The following PPP2R1A variants were observed in gnomAD, a reference collection of about 807,000 sequenced individuals.
PPP2R1A encodes protein phosphatase 2 scaffold subunit Aalpha, also known as serine/threonine-protein phosphatase 2A 65 kDa regulatory subunit A alpha isoform.
In PPP2R1A, 15 loss-of-function variants were observed where a neutral mutation model predicts 67.1. The observed-to-expected ratio is 0.22, with a 90% CI of 0.15 to 0.34. The LOEUF is 0.34. Ranked by LOEUF, PPP2R1A falls within the 10% of genes least tolerant of loss-of-function variation. PPP2R1A has a pLI of 1.00. For missense variants in PPP2R1A, 369 were observed against 775.0 expected, an observed-to-expected ratio of 0.48 and a Z score of 6.22; for synonymous variants, 337 against 325.0, an observed-to-expected ratio of 1.04 and a Z score of -0.40.
At chr19:52,196,328 A>G (rs1381898628) in intron 1 of PPP2R1A, among the ~76,000 whole-genome samples, 1 of 152,194 alleles carries the variant, frequency 6.6e-6, no homozygotes, top group African/African-American at 2.4e-5. Flanking sequence ...TTTATTTCTC[A>G]TATAGCAAGT....
chr19:52,225,642 A>C, intron 13 of PPP2R1A, 75 bp from the exon 14 acceptor site: 1 of 1,384,776 alleles, frequency 7.2e-7, no homozygotes, highest in Non-Finnish European at 1.0e-6. Context: ...CTCTTGCCCA[A>C]GAGCCCTGTG....
At chr19:52,209,775 G>A (rs8106271) in intron 3 of PPP2R1A, among the ~76,000 whole-genome samples, 15,104 of 152,178 alleles carry the variant, frequency 0.099, 865 homozygotes, top group African/African-American at 0.15. Flanking sequence ...ATGACTATTA[G>A]CTAATTTCCC....
At position 52,220,178 on chromosome 19, in the gene PPP2R1A, T is replaced by C; in HGVS notation, c.1303-11T>C. 6.2e-7 allele frequency: 1 copy of C among 1,613,834 alleles called. No individual in the cohort carries two copies. The highest frequency in any genetic ancestry group is 1.3e-5 in the African/African-American group (1 of 75,020). On this transcript the variant is annotated splice_polypyrimidine_tract_variant and intron_variant, in intron 10 of 14. Coordinates refer to ENST00000322088, the MANE Select transcript of PPP2R1A (RefSeq NM_014225.6). The stretch of plus-strand genomic sequence containing the variant: ...GAACGCTTACCTTGGAACCCTTGGT[T>C]TCTCCTGTAGGGAGTGGAGTTCTTT...
intron 1 of PPP2R1A, among the ~76,000 whole-genome samples, chr19:52,195,336 A>G (rs530915521): frequency 5.3e-5 from 8 of 152,134 alleles, no homozygotes; most frequent in Non-Finnish European, 1.2e-4. Flanking sequence ...CCCAATTCCT[A>G]TTCTCTCACT....
At position 52,212,579 on chromosome 19, in the gene PPP2R1A, C is replaced by A; in HGVS notation, c.504-107C>A. The A allele has an allele frequency of 7.3e-7, 1 of 1,378,694 alleles. No homozygotes were observed. Among genetic ancestry groups the A allele is most frequent in the Non-Finnish European group, 9.8e-7 (1 of 1,016,460 alleles). The allele number at this position is 1,378,694 out of a possible 1,614,324, so 85.4% of individuals were successfully genotyped here. On this transcript the variant is annotated intron_variant, in intron 4 of 14. Coordinates refer to ENST00000322088, the MANE Select transcript of PPP2R1A (RefSeq NM_014225.6). The surrounding 1 kb of genome is among the most constrained non-coding windows in gnomAD (Gnocchi z 4.1). Reference sequence around the variant, plus strand: ...AAGACAGAGAGGGGGTCATCACTTGCCCAAGGTCATTCAGCTAAAACCTGG... The same window carrying A: ...AAGACAGAGAGGGGGTCATCACTTGACCAAGGTCATTCAGCTAAAACCTGG...
chr19:52,192,171 G>T (rs966967631), intron 1 of PPP2R1A, among the ~76,000 whole-genome samples: 1 of 152,144 alleles, frequency 6.6e-6, no homozygotes, highest in African/African-American at 2.4e-5. Context: ...AGTACAAAGT[G>T]GGGTGGGGCA....
At chr19:52,222,530 AT>A (rs1284248583) in intron 13 of PPP2R1A, 1 of 273,104 alleles carries the variant, frequency 3.7e-6, no homozygotes, top group Non-Finnish European at 6.8e-6. Flanking sequence ...ATAATTTATA[AT>A]TGCACCAAAA....
At chr19:52,200,922 CTG>C (rs1194694631) in intron 1 of PPP2R1A, among the ~76,000 whole-genome samples, 8 of 152,226 alleles carry the variant, frequency 5.3e-5, no homozygotes, top group Admixed American at 2.6e-4. Flanking sequence ...TCTGCAAAGA[CTG>C]TTTTGACGTG....
At chr19:52,209,448 T>G (rs569753250) in intron 3 of PPP2R1A, among the ~76,000 whole-genome samples, 1 of 152,344 alleles carries the variant, frequency 6.6e-6, no homozygotes, top group South Asian at 2.1e-4. Flanking sequence ...ACATTTTTCC[T>G]TTGAATCATT....
intron 1 of PPP2R1A, 49 bp downstream of exon 1, chr19:52,190,223 G>T: frequency 6.5e-7 from 1 of 1,533,956 alleles, no homozygotes; most frequent in Admixed American, 2.0e-5. Context: ...GGTACCTGGG[G>T]GCACGGGCGG....
Position 52,219,984 on chromosome 19 carries a change from G to A in PPP2R1A, c.1302+120G>A. The stretch of plus-strand genomic sequence containing the variant: ...GTGGAGGCTGTGACAACTGCCTGGG[G>A]AGTCGAAGGAAGGGACCCAGGAAAT... On this transcript the variant is annotated intron_variant, in intron 10 of 14. Coordinates refer to ENST00000322088, the MANE Select transcript of PPP2R1A (RefSeq NM_014225.6). This position sits in a 1 kb window ranked among gnomAD's most constrained non-coding sequence, Gnocchi z 4.0. 1 of 1,345,402 alleles carries A rather than the reference G, an allele frequency of 7.4e-7. No homozygotes were observed. Among genetic ancestry groups the A allele is most frequent in the Non-Finnish European group, 1.0e-6 (1 of 996,034 alleles). The allele number at this position is 1,345,402 out of a possible 1,614,324, so 83.3% of individuals were successfully genotyped here. A position where few individuals can be genotyped will look rare whatever the true frequency, so the allele number is the denominator to read the frequency against.
At chr19:52,196,250 A>C (rs956848331) in intron 1 of PPP2R1A, among the ~76,000 whole-genome samples, 1 of 152,202 alleles carries the variant, frequency 6.6e-6, no homozygotes, top group African/African-American at 2.4e-5. Context: ...AAATGATATT[A>C]ATAGATTTTC....
chr19:52,220,147 C>A, intron 10 of PPP2R1A, 42 bp from the exon 11 acceptor site: 1 of 1,598,866 alleles, frequency 6.3e-7, no homozygotes, highest in South Asian at 1.1e-5. Flanking sequence ...CCTGTTTGCT[C>A]TCCTGGAACG....
chr19:52,219,849 C>A lies in PPP2R1A; in HGVS notation c.1287C>A (p.Leu429=). The A allele has an allele frequency of 6.2e-7, 1 of 1,611,362 alleles. No homozygotes were observed. The highest frequency in any genetic ancestry group is 1.3e-5 in the African/African-American group (1 of 75,058). ...VRLAIIEYMP[L]LAGQLGVEFF... Reference sequence around the variant, plus strand: ...TGGCCATCATTGAGTACATGCCCCTCCTGGCTGGACAGCTGGTGAGTGAGG... The same window carrying A: ...TGGCCATCATTGAGTACATGCCCCTACTGGCTGGACAGCTGGTGAGTGAGG... The change falls in exon 10 of 15, where the codon CTC becomes CTA. Residue 429 remains leucine (L), a synonymous_variant. Transcript: ENST00000322088. The surrounding 1 kb of genome is among the most constrained non-coding windows in gnomAD (Gnocchi z 4.0).
In PPP2R1A at chr19:52,215,784, G is replaced by A. The variant is rs1978532534; in HGVS notation, c.813G>A (p.Gln271=). ...CTCCTCCTTCCTGTCTGCAGCTCCA[G>A]AAAGCAGTGGGGCCTGAGATCACCA... ...YMVADKFTEL[Q]KAVGPEITKT... The change falls in exon 7 of 15, where the codon CAG becomes CAA. Residue 271 remains glutamine (Q), a synonymous_variant. Coordinates refer to ENST00000322088, the MANE Select transcript of PPP2R1A (RefSeq NM_014225.6). The A allele has an allele frequency of 1.2e-6, 2 of 1,613,818 alleles. No individual in the cohort carries two copies. Among genetic ancestry groups the A allele is most frequent in the Admixed American group, 1.7e-5 (1 of 60,004 alleles).
At position 52,216,212 on chromosome 19, in the gene PPP2R1A, C is replaced by T; in HGVS notation, c.993+138C>T. The T allele has an allele frequency of 1.0e-6, 1 of 960,468 alleles. No individual in the cohort carries two copies. Among genetic ancestry groups the T allele is most frequent in the Non-Finnish European group, 1.6e-6 (1 of 641,202 alleles). 59.5% of individuals were successfully genotyped at this position (960,468 alleles called of 1,614,324 possible). A position where few individuals can be genotyped will look rare whatever the true frequency, so the allele number is the denominator to read the frequency against. Reference sequence around the variant, plus strand: ...GACCAGGCAGCTCTTGGGTTTCAAGCAGTTAGGGGTCCTGACTGCAGCTTG... The same window carrying T: ...GACCAGGCAGCTCTTGGGTTTCAAGTAGTTAGGGGTCCTGACTGCAGCTTG... On this transcript the variant is annotated intron_variant, in intron 8 of 14. Coordinates refer to ENST00000322088, the MANE Select transcript of PPP2R1A (RefSeq NM_014225.6). The surrounding 1 kb of genome is among the most constrained non-coding windows in gnomAD (Gnocchi z 4.3).
chr19:52,204,636 G>A (rs1366004580), intron 2 of PPP2R1A, among the ~76,000 whole-genome samples: 1 of 152,190 alleles, frequency 6.6e-6, no homozygotes, highest in South Asian at 2.1e-4. Context: ...CCGTGGATAC[G>A]CATAAGGTCT....
chr19:52,204,833 C>T (rs2089586429), intron 2 of PPP2R1A, among the ~76,000 whole-genome samples: 1 of 152,146 alleles, frequency 6.6e-6, no homozygotes, highest in Non-Finnish European at 1.5e-5. Context: ...TCAATGAAAG[C>T]ATTTATTTCC....
intron 1 of PPP2R1A, among the ~76,000 whole-genome samples, chr19:52,199,953 G>C (rs2089531555): frequency 6.6e-6 from 1 of 152,230 alleles, no homozygotes; most frequent in South Asian, 2.1e-4. Context: ...GATTTACTGT[G>C]TGCATTTTTC....
Sources: allele counts gnomAD v4.1 joint callset (sites outside exome capture counted in the v4.1 genomes callset), GRCh38; gene constraint gnomAD v4.1.1; non-coding constraint Gnocchi (gnomAD v3.1); transcripts MANE v1.5; gene names NCBI Gene and HGNC (gene_info 2026-07-23, HGNC 2026-07-21).